Variants in NFATC2 observed in about 807,000 individuals in gnomAD.
The protein encoded by NFATC2 is nuclear factor of activated T cells 2, also known as nuclear factor of activated T-cells, cytoplasmic 2.
Under a neutral mutation model 87.3 loss-of-function variants are expected in NFATC2, and 22 were observed. The observed-to-expected ratio is 0.25, with a 90% confidence interval of 0.18 to 0.36. The LOEUF (loss-of-function observed/expected upper bound fraction) is 0.36, where lower values mean the gene tolerates loss of function less well. Among genes scored for constraint, NFATC2 ranks in the 10% least tolerant of loss-of-function variants. NFATC2 has a pLI of 1.00. For missense variants in NFATC2, 1,149 were observed against 1,259.1 expected, an observed-to-expected ratio of 0.91 and a Z score of 1.32; for synonymous variants, 565 against 542.2, an observed-to-expected ratio of 1.04 and a Z score of -0.58.
chr20:51,487,098 C>T (rs1047833928), intron 3 of NFATC2, among the ~76,000 whole-genome samples: 2 of 152,156 alleles, frequency 1.3e-5, no homozygotes, highest in African/African-American at 2.4e-5. Flanking sequence ...ACATTTCTCC[C>T]GGAGTTTCTC....
chr20:51,401,065 T>C (rs1987982120), intron 9 of NFATC2, among the ~76,000 whole-genome samples: 1 of 152,142 alleles, frequency 6.6e-6, no homozygotes, highest in Non-Finnish European at 1.5e-5. Context: ...GCAAAGTCAC[T>C]GAGGATTAAA....
upstream of NFATC2, chr20:51,562,814 G>T (rs553323791): frequency 8.4e-5 from 47 of 559,154 alleles, no homozygotes; most frequent in African/African-American, 7.0e-4. This position sits in a 1 kb window ranked among gnomAD's most constrained non-coding sequence, Gnocchi z 5.8. Flanking sequence ...GCGGCTCCGC[G>T]ATCCGGCTTA....
intron 6 of NFATC2, among the ~76,000 whole-genome samples, chr20:51,451,361 C>A (rs1228907609): frequency 6.6e-6 from 1 of 152,228 alleles, no homozygotes; most frequent in Non-Finnish European, 1.5e-5. Context: ...CAGTTGTTGA[C>A]CAGTGGCAAT....
intron 3 of NFATC2, among the ~76,000 whole-genome samples, chr20:51,482,561 A>G (rs749291754): frequency 2.0e-5 from 3 of 152,160 alleles, no homozygotes; most frequent in Non-Finnish European, 4.4e-5. Context: ...AATTTTATAT[A>G]TTTATGGGGT....
At chr20:51,547,882 A>G (rs2076902110) in intron 1 of NFATC2, among the ~76,000 whole-genome samples, 1 of 152,106 alleles carries the variant, frequency 6.6e-6, no homozygotes, top group Non-Finnish European at 1.5e-5. Flanking sequence ...CCACCTCCCA[A>G]GAATTCAGGC....
intron 1 of NFATC2, among the ~76,000 whole-genome samples, chr20:51,561,499 GCAA>G (rs2077031634): frequency 7.6e-6 from 1 of 131,636 alleles, no homozygotes; most frequent in East Asian, 2.1e-4. Context: ...AAGCAAGCAA[GCAA>G]GCAAGCAAGC....
At chr20:51,463,206 C>T (rs1009546562) in intron 5 of NFATC2, among the ~76,000 whole-genome samples, 1 of 152,220 alleles carries the variant, frequency 6.6e-6, no homozygotes, top group Non-Finnish European at 1.5e-5. Flanking sequence ...TGGCTGTTCC[C>T]TGGGTCTTCC....
intron 5 of NFATC2, among the ~76,000 whole-genome samples, chr20:51,465,377 C>T (rs1239098811): frequency 1.3e-5 from 2 of 152,092 alleles, no homozygotes; most frequent in African/African-American, 4.8e-5. Context: ...GAGAATCCGT[C>T]TCAAAAAACT....
intron 1 of NFATC2, among the ~76,000 whole-genome samples, chr20:51,540,658 G>GTTTTTTTTTT (rs397864888): frequency 7.3e-5 from 8 of 110,072 alleles, no homozygotes; most frequent in African/African-American, 2.6e-4. Context: ...TTTTTTTTTT[G>GTTTTTTTTTT]TTTTTTTTTT....
intron 9 of NFATC2, among the ~76,000 whole-genome samples, chr20:51,419,706 T>G (rs1333860935): frequency 6.6e-6 from 1 of 152,168 alleles, no homozygotes; most frequent in Non-Finnish European, 1.5e-5. Context: ...AAGCACTAAC[T>G]GCTTTGGAAT....
At chr20:51,512,639 T>C (rs1275136961) in intron 3 of NFATC2, among the ~76,000 whole-genome samples, 1 of 152,228 alleles carries the variant, frequency 6.6e-6, no homozygotes, top group Non-Finnish European at 1.5e-5. Flanking sequence ...AGATTTTTAA[T>C]TGTACACTTA....
chr20:51,547,462 G>A (rs895338186), upstream of NFATC2, among the ~76,000 whole-genome samples: 33 of 152,196 alleles, frequency 2.2e-4, no homozygotes, highest in Non-Finnish European at 3.5e-4. Flanking sequence ...GTGGCTCTGC[G>A]TCCCCAGGCT....
intron 3 of NFATC2, among the ~76,000 whole-genome samples, chr20:51,502,962 A>C (rs1290123271): frequency 6.6e-6 from 1 of 152,212 alleles, no homozygotes; most frequent in Non-Finnish European, 1.5e-5. Flanking sequence ...ATGGCTTCCT[A>C]AGTTGAGCAG....
chr20:51,523,168 C>A lies in NFATC2; in HGVS notation c.1073G>T (p.Gly358Val). The change falls in exon 2 of 11, where the codon GGC (glycine) becomes GTC (valine). Residue 358 changes from glycine to valine, a missense_variant. Transcript: ENST00000371564. This position sits in a 1 kb window ranked among gnomAD's most constrained non-coding sequence, Gnocchi z 6.9. ...AVEFLGPCEQ[G>V]ERRNSAPESI... is the part of the protein sequence containing the mutation. ...TTCTGGAGCCGAGTTTCTCCTCTCG[C>A]CCTGCTCGCAGGGCCCCAGGAACTC... 5 of 1,614,252 alleles carry A rather than the reference C, an allele frequency of 3.1e-6. No individual in the cohort carries two copies. The highest frequency in any genetic ancestry group is 4.2e-6 in the Non-Finnish European group (5 of 1,180,048).
intron 6 of NFATC2, among the ~76,000 whole-genome samples, chr20:51,450,500 A>AC (rs11483681): frequency 8.8e-4 from 134 of 152,300 alleles, no homozygotes; most frequent in African/African-American, 3.2e-3. Flanking sequence ...ACATAGTGAG[A>AC]CCCCACTTCA....
chr20:51,443,134 C>A (rs1019125620), intron 6 of NFATC2, among the ~76,000 whole-genome samples: 1 of 151,048 alleles, frequency 6.6e-6, no homozygotes, highest in Admixed American at 6.6e-5. Flanking sequence ...CTGTGACCAT[C>A]CCCTTCCCAT....
intron 3 of NFATC2, among the ~76,000 whole-genome samples, chr20:51,511,930 G>A (rs2076277844): frequency 1.3e-5 from 2 of 152,160 alleles, no homozygotes; most frequent in Non-Finnish European, 2.9e-5. Context: ...TTTAAGCCCT[G>A]CACAGTTTGG....
At position 51,497,990 on chromosome 20, in the gene NFATC2, A is replaced by G. The variant is rs140646303; in HGVS notation, c.1332+18794T>C. Among the ~76,000 whole-genome samples the G allele has an allele frequency of 1.9e-3, 288 of 152,328 alleles. 1 individual carries two copies. The highest frequency in any genetic ancestry group is 3.6e-3 in the Non-Finnish European group (242 of 68,026). On this transcript the variant is annotated intron_variant, in intron 3 of 10. Coordinates refer to ENST00000371564, the MANE Select transcript of NFATC2 (RefSeq NM_012340.5). ...TGATTAAAAAAGGAAAGTGAAAAAT[A>G]AGGTTTTCTTTTTTTCCTTCTTAAT...
chr20:51,517,642 TGCAGTG>T (rs1277106269), intron 2 of NFATC2, among the ~76,000 whole-genome samples: 1 of 149,900 alleles, frequency 6.7e-6, no homozygotes, highest in Non-Finnish European at 1.5e-5. Flanking sequence ...CAAGGCTGGG[TGCAGTG>T]GCTCATGCCT....
Sources: gnomAD v4.1 joint callset for allele counts (sites outside exome capture counted in the v4.1 genomes callset) on GRCh38, gnomAD v4.1.1 for gene constraint, Gnocchi (gnomAD v3.1) non-coding constraint, MANE v1.5 for transcripts, NCBI Gene and HGNC (gene_info 2026-07-23, HGNC 2026-07-21) for gene names.